GPM6A: variants seen among roughly 807,000 people sequenced by gnomAD.
GPM6A encodes the protein glycoprotein M6A, also known as neuronal membrane glycoprotein M6-a.
GPM6A carries 7 observed loss-of-function variants against 32.1 expected under a neutral mutation model. That is an observed-to-expected ratio of 0.22 (90% confidence interval 0.12 to 0.41). The LOEUF (loss-of-function observed/expected upper bound fraction) is 0.41, where lower values mean the gene tolerates loss of function less well. GPM6A is among the 10% of genes least tolerant of loss of function. The probability of loss-of-function intolerance (pLI) is 1.00; values close to 1 mark genes in which losing one functional copy is unlikely to be tolerated. For synonymous variants in GPM6A, 130 were observed against 123.4 expected, an observed-to-expected ratio of 1.05 and a Z score of -0.35; for missense variants, 235 against 347.2, an observed-to-expected ratio of 0.68 and a Z score of 2.57.
chr4:175,933,767 C>A (rs188863486), intron 1 of GPM6A, among the ~76,000 whole-genome samples: 160 of 152,158 alleles, frequency 1.1e-3, no homozygotes, highest in Middle Eastern at 6.8e-3. Context: ...GATGGTCTCG[C>A]TCTCCTGACC....
chr4:175,805,531 T>C (rs530628955), intron 1 of GPM6A, among the ~76,000 whole-genome samples: 2 of 152,344 alleles, frequency 1.3e-5, no homozygotes, highest in African/African-American at 4.8e-5. Context: ...TTCTCAGGGA[T>C]AGATTTCATC....
chr4:175,735,367 C>G (rs1220565437), intron 1 of GPM6A, among the ~76,000 whole-genome samples: 1 of 152,114 alleles, frequency 6.6e-6, no homozygotes, highest in South Asian at 2.1e-4. Context: ...GAAGGAATTG[C>G]TATTCCTAAT....
At chr4:175,877,288 A>C (rs912911447) in intron 1 of GPM6A, among the ~76,000 whole-genome samples, 4 of 152,184 alleles carry the variant, frequency 2.6e-5, no homozygotes, top group Admixed American at 6.5e-5. Flanking sequence ...TTATATGACT[A>C]TCTAAATAAA....
At chr4:175,658,519 G>T (rs942010858) in intron 3 of GPM6A, among the ~76,000 whole-genome samples, 1 of 152,078 alleles carries the variant, frequency 6.6e-6, no homozygotes, top group African/African-American at 2.4e-5. Context: ...TATACATTTG[G>T]CAAAACCCAA....
intron 1 of GPM6A, among the ~76,000 whole-genome samples, chr4:175,791,074 C>T (rs1429787903): frequency 2.6e-5 from 4 of 151,978 alleles, no homozygotes; most frequent in African/African-American, 9.7e-5. Context: ...TTTCCTATGT[C>T]TTTTGGACTA....
intron 1 of GPM6A, 87 bp from the exon 2 acceptor site, chr4:175,701,854 T>A: frequency 3.5e-6 from 3 of 861,028 alleles, no homozygotes; most frequent in African/African-American, 1.7e-5. Flanking sequence ...TGGGAAAGTA[T>A]ATTTGCACTG....
At chr4:175,747,933 T>C (rs1222534319) in intron 1 of GPM6A, among the ~76,000 whole-genome samples, 1 of 152,214 alleles carries the variant, frequency 6.6e-6, no homozygotes, top group East Asian at 1.9e-4. Flanking sequence ...ATCAACTAAA[T>C]TTAAATAATA....
chr4:175,738,041 G>A (rs1731734399), intron 1 of GPM6A, among the ~76,000 whole-genome samples: 2 of 151,582 alleles, frequency 1.3e-5, no homozygotes, highest in African/African-American at 2.4e-5. Flanking sequence ...GGATTCAAGC[G>A]ATTCTCCTGC....
chr4:175,673,840 A>G lies in GPM6A; in HGVS notation c.231-4T>C. 6.3e-7 allele frequency: 1 copy of G among 1,581,108 alleles called. No individual in the cohort carries two copies. The highest frequency in any genetic ancestry group is 8.7e-7 in the Non-Finnish European group (1 of 1,155,746). ...CACATACTTAAAGATGTCAATCCTG[A>G]GAGAAAAGACAAAGTGATTTATTTC... is the stretch of plus-strand genomic sequence containing the variant. On this transcript the variant is annotated splice_region_variant and splice_polypyrimidine_tract_variant and intron_variant, in intron 2 of 6. Coordinates refer to ENST00000393658, the MANE Select transcript of GPM6A (RefSeq NM_201591.3).
chr4:175,753,934 C>T lies in GPM6A; in HGVS notation c.38-52167G>A, dbSNP rs183426643. Among the ~76,000 whole-genome samples the T allele has an allele frequency of 1.3e-3, 198 of 152,220 alleles. 4 individuals carry two copies. The highest frequency in any genetic ancestry group is 3.4e-3 in the Middle Eastern group (1 of 294). ...GCAATGGTACCCCAACACATACCAA[C>T]GCACCAGGTAGGTCCAATCTTCATA... On this transcript the variant is annotated intron_variant, in intron 1 of 6. Coordinates refer to ENST00000393658, the MANE Select transcript of GPM6A (RefSeq NM_201591.3).
rs1011217679 is a variant in GPM6A, at chr4:175,870,937, CAAAT to C, written c.-22-58692_-22-58689del. On this transcript the variant is annotated intron_variant, in intron 1 of 7. Transcript: ENST00000280187. ...CATCACACAAAACATTTATGACAAACAAATAGGAAAGATTCAATAAATGTGAGTA... is the reference window on the plus strand; with the variant it reads ...CATCACACAAAACATTTATGACAAACAGGAAAGATTCAATAAATGTGAGTA... Among the ~76,000 whole-genome samples the C allele has an allele frequency of 2.4e-3, 372 of 152,132 alleles. 1 individual carries two copies. Among genetic ancestry groups the C allele is most frequent in the African/African-American group, 8.7e-3 (361 of 41,518 alleles).
chr4:175,838,026 T>C (rs529997078), intron 1 of GPM6A, among the ~76,000 whole-genome samples: 5 of 151,834 alleles, frequency 3.3e-5, no homozygotes, highest in African/African-American at 1.2e-4. Context: ...CTATGTTCTT[T>C]AGTTCTCCAA....
intron 1 of GPM6A, among the ~76,000 whole-genome samples, chr4:175,974,105 C>T (rs1459604858): frequency 1.3e-5 from 2 of 151,970 alleles, no homozygotes; most frequent in African/African-American, 4.8e-5. Context: ...TGGTGGCGCA[C>T]ACCTGTAATC....
intron 1 of GPM6A, among the ~76,000 whole-genome samples, chr4:175,771,054 T>C (rs925108249): frequency 6.6e-6 from 1 of 152,190 alleles, no homozygotes; most frequent in African/African-American, 2.4e-5. Context: ...CGTTCCTCTG[T>C]ATGTCTGTAG....
chr4:175,989,859 A>T (rs1482336099), intron 1 of GPM6A, among the ~76,000 whole-genome samples: 1 of 152,178 alleles, frequency 6.6e-6, no homozygotes, highest in Non-Finnish European at 1.5e-5. Flanking sequence ...CAACTGAATA[A>T]TCATAAATGT....
At chr4:175,645,181 G>A (rs1741384060) in intron 4 of GPM6A, among the ~76,000 whole-genome samples, 1 of 152,054 alleles carries the variant, frequency 6.6e-6, no homozygotes, top group South Asian at 2.1e-4. Context: ...GAACAGGGAG[G>A]ACTTGATGCA....
intron 1 of GPM6A, among the ~76,000 whole-genome samples, chr4:175,729,873 A>G (rs947714575): frequency 6.9e-6 from 1 of 144,706 alleles, no homozygotes; most frequent in Non-Finnish European, 1.5e-5. Context: ...TAATGTATTT[A>G]ATAATTATAT....
intron 2 of GPM6A, among the ~76,000 whole-genome samples, chr4:175,678,834 T>C (rs1001317287): frequency 4.6e-5 from 7 of 152,206 alleles, no homozygotes; most frequent in Non-Finnish European, 7.3e-5. Flanking sequence ...TTTAATTTTT[T>C]ATTTGGAAAT....
rs529092790 is a variant in GPM6A, at chr4:175,781,533, A to G, written c.37+30658T>C. ...AAGTGATCTTCCATACAGTTCTCTG[A>G]TACTTTTGCTCTTTTCCTTCCTTTG... is the stretch of plus-strand genomic sequence containing the variant. On this transcript the variant is annotated intron_variant, in intron 1 of 6. Coordinates refer to ENST00000393658, the MANE Select transcript of GPM6A (RefSeq NM_201591.3). Among the ~76,000 whole-genome samples, 86 of 152,214 alleles carry G rather than the reference A, an allele frequency of 5.6e-4. 1 individual carries two copies. The highest frequency in any genetic ancestry group is 4.1e-3 in the South Asian group (20 of 4,822).
Sources: gnomAD v4.1 joint callset for allele counts (sites outside exome capture counted in the v4.1 genomes callset) on GRCh38, gnomAD v4.1.1 for gene constraint, MANE v1.5 for transcripts, NCBI Gene and HGNC (gene_info 2026-07-23, HGNC 2026-07-21) for gene names.